Variants in CARM1 observed in about 807,000 individuals in gnomAD.
CARM1 encodes the protein coactivator associated arginine methyltransferase 1, also known as histone-arginine methyltransferase CARM1.
A neutral mutation model predicts 72.7 loss-of-function variants in CARM1; 14 were observed. The observed-to-expected ratio is 0.19, with a 90% CI of 0.13 to 0.30. CARM1 has a LOEUF of 0.30. CARM1 is among the 10% of genes least tolerant of loss of function. The probability of loss-of-function intolerance (pLI) is 1.00; values close to 1 mark genes in which losing one functional copy is unlikely to be tolerated. For missense variants in CARM1, 432 were observed against 833.7 expected (o/e 0.52, Z 5.93); for synonymous variants, 333 against 345.5 (o/e 0.96, Z 0.40).
intron 1 of CARM1, among the ~76,000 whole-genome samples, chr19:10,880,633 G>T (rs2073895510): frequency 2.0e-5 from 3 of 151,736 alleles, no homozygotes; most frequent in Non-Finnish European, 4.4e-5. Context: ...GATTACAGGT[G>T]TGAGTCATGG....
rs1265123281 is a variant in CARM1 at position 10,871,670 on chromosome 19, G to T, written c.-33G>T. ...CGGCGGCCTGGGCCCGGGCGCAGCG[G>T]CGGCGGCGGCGGGGCCTGGAGCCGG... On this transcript the variant is annotated 5_prime_UTR_variant, in exon 1 of 16. Transcript: ENST00000327064. The surrounding 1 kb of genome is among the most constrained non-coding windows in gnomAD (Gnocchi z 5.6). 1.7e-6 allele frequency: 1 copy of T among 579,394 alleles called. No individual in the cohort carries two copies. Among genetic ancestry groups the T allele is most frequent in the African/African-American group, 2.1e-5 (1 of 48,242 alleles). 35.9% of individuals were successfully genotyped at this position (579,394 alleles called of 1,614,324 possible).
intron 1 of CARM1, among the ~76,000 whole-genome samples, chr19:10,900,433 A>G (rs1437156683): frequency 6.6e-6 from 1 of 152,152 alleles, no homozygotes; most frequent in East Asian, 1.9e-4. Context: ...TATTTCATAT[A>G]AATAGAATCA....
chr19:10,909,037 C>A, intron 3 of CARM1, 66 bp from the exon 4 acceptor site: 2 of 1,246,308 alleles, frequency 1.6e-6, no homozygotes, highest in Non-Finnish European at 2.3e-6. Context: ...TATCACAGGG[C>A]TGGCCAGGGC....
chr19:10,882,600 G>A (rs1490791094), intron 1 of CARM1, among the ~76,000 whole-genome samples: 1 of 143,956 alleles, frequency 6.9e-6, no homozygotes, highest in Non-Finnish European at 1.5e-5. Flanking sequence ...GGAATACAGT[G>A]GAGCGATTTC....
intron 1 of CARM1, among the ~76,000 whole-genome samples, chr19:10,872,408 T>A (rs1050314586): frequency 1.3e-5 from 2 of 151,876 alleles, no homozygotes; most frequent in African/African-American, 4.8e-5. Flanking sequence ...TGGAAAGTGT[T>A]TGCTGGTCTG....
At chr19:10,874,541 T>G (rs2073848368) in intron 1 of CARM1, among the ~76,000 whole-genome samples, 1 of 151,966 alleles carries the variant, frequency 6.6e-6, no homozygotes, top group African/African-American at 2.4e-5. Flanking sequence ...CACAGGCATG[T>G]GCCACACCCA....
intron 1 of CARM1, among the ~76,000 whole-genome samples, chr19:10,903,609 A>G (rs1340909362): frequency 1.3e-5 from 2 of 151,070 alleles, no homozygotes; most frequent in Admixed American, 6.6e-5. Flanking sequence ...TGCCTAGACT[A>G]GAGTGCAGTG....
At chr19:10,883,016 CTG>C (rs1480984565) in intron 1 of CARM1, among the ~76,000 whole-genome samples, 1 of 152,130 alleles carries the variant, frequency 6.6e-6, no homozygotes, top group Non-Finnish European at 1.5e-5. Flanking sequence ...TGCAGGGTGT[CTG>C]TGGTCAGCCC....
chr19:10,921,258 CG>C, intron 14 of CARM1, 116 bp from the exon 15 acceptor site: 1 of 1,442,296 alleles, frequency 6.9e-7, no homozygotes, highest in Non-Finnish European at 9.7e-7. Context: ...TGGGGGCTCT[CG>C]GCCGAGGCTC....
At chr19:10,909,997 G>A (rs547287508) in intron 4 of CARM1, among the ~76,000 whole-genome samples, 29 of 152,320 alleles carry the variant, frequency 1.9e-4, no homozygotes, top group Non-Finnish European at 3.7e-4. Context: ...GGAGGCCAAG[G>A]CAGGGGGATC....
At position 10,912,248 on chromosome 19, in the gene CARM1, G is replaced by A. The variant is rs1377302649; in HGVS notation, c.623G>A (p.Arg208Gln). 1.2e-5 allele frequency: 19 copies of A among 1,610,586 alleles called. No homozygotes were observed. Among genetic ancestry groups the A allele is most frequent in the Non-Finnish European group, 1.6e-5 (19 of 1,178,102 alleles). ...TTTTTTGCCGCCCAAGCTGGAGCAC[G>A]GAAAATCTACGCGGTGGAGGCCAGC... is the stretch of plus-strand genomic sequence containing the variant. ...LSFFAAQAGA[R>Q]KIYAVEASTM... The change falls in exon 5 of 16, where the codon CGG (arginine) becomes CAG (glutamine). Residue 208 changes from arginine to glutamine, a missense_variant. Transcript: ENST00000327064. The surrounding 1 kb of genome is among the most constrained non-coding windows in gnomAD (Gnocchi z 4.5).
At chr19:10,886,810 G>A (rs1287291802) in intron 1 of CARM1, among the ~76,000 whole-genome samples, 3 of 151,792 alleles carry the variant, frequency 2.0e-5, no homozygotes, top group Non-Finnish European at 4.4e-5. Context: ...CAGCCTGGAT[G>A]ATAGAATGAG....
intron 1 of CARM1, among the ~76,000 whole-genome samples, chr19:10,899,149 G>T (rs1311836862): frequency 6.6e-6 from 1 of 150,940 alleles, no homozygotes; most frequent in Non-Finnish European, 1.5e-5. Flanking sequence ...GCGGGCTTTA[G>T]CAGCTGCTGC....
intron 8 of CARM1, among the ~76,000 whole-genome samples, chr19:10,917,197 G>GA (rs1334040193): frequency 1.3e-5 from 2 of 151,712 alleles, no homozygotes; most frequent in South Asian, 2.1e-4. Flanking sequence ...AAATCAAAAG[G>GA]AAAAAAAAGC....
rs1568358646 is a variant in CARM1, at chr19:10,921,728, C to T, written c.1798C>T (p.Pro600Ser). 1 of 1,611,648 alleles carries T rather than the reference C, an allele frequency of 6.2e-7. No individual in the cohort carries two copies. The highest frequency in any genetic ancestry group is 8.5e-7 in the Non-Finnish European group (1 of 1,178,660). ...CTCCATGGCGTCGCCCATGTCCATC[C>T]CGACCAACACCATGCACTACGGGAG... ...AISMASPMSI[P>S]TNTMHYGS is the part of the protein sequence containing the mutation. The change falls in exon 16 of 16, where the codon CCG becomes TCG. Residue 600 changes from proline to serine, a missense_variant. Physicochemically the swap from Pro to Ser is moderately conservative, Grantham distance 74. Transcript: ENST00000327064.
In CARM1 at chr19:10,921,490, G is replaced by A. The variant is rs758565403; in HGVS notation, c.1684+47G>A. On this transcript the variant is annotated intron_variant, in intron 15 of 15. Transcript: ENST00000327064. ...GGGCCCGTGGGGGCCGAGCTAGCGT[G>A]TGAGTCGCCATCCTCTGTCCGGCCG... is the stretch of plus-strand genomic sequence containing the variant. 3.2e-6 allele frequency: 5 copies of A among 1,578,834 alleles called. No individual in the cohort carries two copies. The Admixed American group carries it at 9.3e-5, about 29-fold the overall frequency.
chr19:10,908,019 AC>A lies in CARM1; in HGVS notation c.347-19del. The A allele has an allele frequency of 6.4e-7, 1 of 1,566,516 alleles. No homozygotes were observed. Among genetic ancestry groups the A allele is most frequent in the Non-Finnish European group, 8.8e-7 (1 of 1,136,988 alleles). ...CTGGGTTGCTGACCGCCCCCCGGTG[AC>A]TTGGCTTCCCTGTTCCAGATTTCTG... On this transcript the variant is annotated intron_variant, in intron 2 of 15. Transcript: ENST00000327064.
At chr19:10,911,742 G>A (rs556931345) in intron 4 of CARM1, among the ~76,000 whole-genome samples, 7 of 152,346 alleles carry the variant, frequency 4.6e-5, no homozygotes, top group Admixed American at 2.0e-4. Context: ...GAGCCCAGCC[G>A]GCCCCAGGGC....
intron 1 of CARM1, among the ~76,000 whole-genome samples, chr19:10,881,331 C>G (rs533032058): frequency 6.6e-6 from 1 of 152,192 alleles, no homozygotes; most frequent in African/African-American, 2.4e-5. Flanking sequence ...CCCCTGATTT[C>G]GGTCAGCTTC....
Sources: allele counts gnomAD v4.1 joint callset (sites outside exome capture counted in the v4.1 genomes callset), GRCh38; gene constraint gnomAD v4.1.1; non-coding constraint Gnocchi (gnomAD v3.1); transcripts MANE v1.5; gene names NCBI Gene and HGNC (gene_info 2026-07-23, HGNC 2026-07-21).